The following COL22A1 variants were observed in gnomAD, a reference collection of about 807,000 sequenced individuals.
COL22A1 encodes collagen alpha-1(XXII) chain.
Under a neutral mutation model 248.9 loss-of-function variants are expected in COL22A1, and 221 were observed. The ratio of observed to expected loss-of-function variants is 0.89; its 90% CI spans 0.80 to 0.99. The LOEUF is 0.99. COL22A1 is among the 50% of genes least tolerant of loss of function. The pLI, the probability that COL22A1 is intolerant of heterozygous loss-of-function variation, is 0.00. For missense variants in COL22A1, 2,240 were observed against 2,179.0 expected (o/e 1.03, Z -0.56); for synonymous variants, 891 against 793.4 (o/e 1.12, Z -2.07).
chr8:138,773,830 T>C (rs1834595292), intron 16 of COL22A1, among the ~76,000 whole-genome samples: 1 of 152,222 alleles, frequency 6.6e-6, no homozygotes, highest in Non-Finnish European at 1.5e-5. Flanking sequence ...CTGGGCCTTC[T>C]GTCTGAATCA....
chr8:138,674,485 A>G (rs957707233), intron 41 of COL22A1, among the ~76,000 whole-genome samples: 5 of 152,226 alleles, frequency 3.3e-5, no homozygotes, highest in African/African-American at 7.2e-5. Flanking sequence ...CCACCACGGA[A>G]GCTTTTAATA....
chr8:138,902,557 T>A (rs545048376), intron 1 of COL22A1, among the ~76,000 whole-genome samples: 174 of 151,454 alleles, frequency 1.1e-3, no homozygotes, highest in African/African-American at 3.4e-3. Flanking sequence ...ACAAAAAAAA[T>A]TAGCCAGGTG....
chr8:138,739,590 TC>T (rs2131269677), intron 22 of COL22A1, among the ~76,000 whole-genome samples: 1 of 152,196 alleles, frequency 6.6e-6, no homozygotes, highest in South Asian at 2.1e-4. Context: ...GAAAGTGGAG[TC>T]GGGCTCTGGT....
intron 36 of COL22A1, 77 bp downstream of exon 36, chr8:138,690,744 C>A (rs763386816): frequency 6.7e-6 from 8 of 1,188,830 alleles, no homozygotes; most frequent in Admixed American, 6.7e-5. Flanking sequence ...ATGTATCCTA[C>A]GCCTCTGGCT....
intron 45 of COL22A1, 118 bp from the exon 46 acceptor site, chr8:138,649,896 C>T (rs1410009151): frequency 1.6e-6 from 1 of 611,042 alleles, no homozygotes. Flanking sequence ...TTTTAAATTC[C>T]AGAGAAGATA....
intron 47 of COL22A1, among the ~76,000 whole-genome samples, chr8:138,642,488 G>A (rs1821802291): frequency 6.6e-6 from 1 of 152,172 alleles, no homozygotes; most frequent in Non-Finnish European, 1.5e-5. Flanking sequence ...CCTAAATGGA[G>A]CAAGAAGAAC....
intron 35 of COL22A1, among the ~76,000 whole-genome samples, chr8:138,692,102 G>T (rs1245276396): frequency 7.0e-6 from 1 of 143,274 alleles, no homozygotes; most frequent in Non-Finnish European, 1.5e-5. Flanking sequence ...ATGTGTACAC[G>T]TTTGTGGAGG....
At chr8:138,899,948 G>C (rs1814417737) in intron 1 of COL22A1, among the ~76,000 whole-genome samples, 1 of 152,192 alleles carries the variant, frequency 6.6e-6, no homozygotes, top group South Asian at 2.1e-4. Context: ...TGATCCAGTA[G>C]ACTGCAGGGT....
At chr8:138,855,883 G>A (rs1466587339) in intron 3 of COL22A1, among the ~76,000 whole-genome samples, 1 of 152,204 alleles carries the variant, frequency 6.6e-6, no homozygotes, top group Non-Finnish European at 1.5e-5. Flanking sequence ...AACGGTGTAG[G>A]ACAGTGGGTC....
intron 1 of COL22A1, among the ~76,000 whole-genome samples, chr8:138,895,571 A>C (rs2132129483): frequency 6.6e-6 from 1 of 152,326 alleles, no homozygotes; most frequent in African/African-American, 2.4e-5. Flanking sequence ...ACTGACTAAA[A>C]AATCAGCAAA....
intron 43 of COL22A1, among the ~76,000 whole-genome samples, chr8:138,661,688 G>A (rs2130690678): frequency 6.6e-6 from 1 of 152,330 alleles, no homozygotes; most frequent in African/African-American, 2.4e-5. Context: ...AGGGTCAGGG[G>A]CAAGTCCCTG....
chr8:138,623,435 CA>C (rs1203138403), intron 52 of COL22A1, among the ~76,000 whole-genome samples: 1 of 151,876 alleles, frequency 6.6e-6, no homozygotes, highest in Non-Finnish European at 1.5e-5. Flanking sequence ...ATTGAGGCTA[CA>C]GGGGGCAGTA....
chr8:138,698,806 T>C (rs1473460685), intron 32 of COL22A1, among the ~76,000 whole-genome samples: 2 of 152,104 alleles, frequency 1.3e-5, no homozygotes, highest in Non-Finnish European at 2.9e-5. Context: ...GGTGTCCTCA[T>C]GCAGTGAGTA....
chr8:138,675,136 T>A (rs1466991265), intron 41 of COL22A1, among the ~76,000 whole-genome samples: 1 of 152,022 alleles, frequency 6.6e-6, no homozygotes, highest in Non-Finnish European at 1.5e-5. Context: ...AAACAACCCA[T>A]CATTGTGAGT....
At chr8:138,912,745 G>A (rs1289704082) in intron 1 of COL22A1, among the ~76,000 whole-genome samples, 1 of 124,810 alleles carries the variant, frequency 8.0e-6, no homozygotes, top group East Asian at 2.0e-4. Flanking sequence ...AGTGAAACTC[G>A]GCCTCAAAAA....
At chr8:138,660,943 CATAAACACACA>C (rs1321706442) in intron 43 of COL22A1, among the ~76,000 whole-genome samples, 1,099 of 60,978 alleles carry the variant, frequency 0.018, 20 homozygotes, top group African/African-American at 0.044. Flanking sequence ...CAGACACACA[CATAAACACACA>C]GACACACACG....
chr8:138,642,202 A>AC (rs1821773633), intron 47 of COL22A1, among the ~76,000 whole-genome samples: 1 of 152,132 alleles, frequency 6.6e-6, no homozygotes. Context: ...GACAATAACT[A>AC]CTCAGGGTAC....
At chr8:138,805,918 G>GT (rs1817563072) in intron 10 of COL22A1, among the ~76,000 whole-genome samples, 1 of 146,376 alleles carries the variant, frequency 6.8e-6, no homozygotes, top group African/African-American at 2.6e-5. Flanking sequence ...GATGGTGTAG[G>GT]TGACGGTGTG....
intron 23 of COL22A1, among the ~76,000 whole-genome samples, chr8:138,727,781 G>A (rs187963813): frequency 6.6e-6 from 1 of 152,144 alleles, no homozygotes; most frequent in African/African-American, 2.4e-5. Context: ...TTCACAGCTG[G>A]AGCAACGGAG....
Sources: allele counts gnomAD v4.1 joint callset (sites outside exome capture counted in the v4.1 genomes callset), GRCh38; gene constraint gnomAD v4.1.1; transcripts MANE v1.5; gene names NCBI Gene and HGNC (gene_info 2026-07-23, HGNC 2026-07-21).